Variants in LEMD3 observed in about 807,000 individuals in gnomAD.
LEMD3 encodes the protein inner nuclear membrane protein Man1.
Under a neutral mutation model 95.2 loss-of-function variants are expected in LEMD3, and 33 were observed. The observed-to-expected ratio is 0.35, with a 90% confidence interval of 0.26 to 0.46. The LOEUF is 0.46. Ranked by LOEUF, LEMD3 falls within the 20% of genes least tolerant of loss-of-function variation. The pLI, the probability that LEMD3 is intolerant of heterozygous loss-of-function variation, is 1.00. For synonymous variants in LEMD3, 525 were observed against 474.6 expected, an observed-to-expected ratio of 1.11 and a Z score of -1.38; for missense variants, 1,210 against 1,192.8, an observed-to-expected ratio of 1.01 and a Z score of -0.21.
chr12:65,174,354 A>G (rs1258720468), intron 1 of LEMD3, among the ~76,000 whole-genome samples: 2 of 152,206 alleles, frequency 1.3e-5, no homozygotes, highest in African/African-American at 2.4e-5. Flanking sequence ...TCAAGGATCA[A>G]CCTGCAATCA....
chr12:65,170,023 G>A lies in LEMD3; in HGVS notation c.427G>A (p.Glu143Lys). The change falls in exon 1 of 13, where the codon GAG becomes AAG. Residue 143 changes from glutamate (E) to lysine (K), a missense_variant. Glu to Lys is a moderately conservative substitution (Grantham distance 56). Coordinates refer to ENST00000308330, the MANE Select transcript of LEMD3 (RefSeq NM_014319.5). ...SKVLLGFSSDESDVEASPRDQ... is the reference protein window; with the variant it reads ...SKVLLGFSSDKSDVEASPRDQ... The stretch of plus-strand genomic sequence containing the variant: ...AGTGCTGCTGGGCTTCAGCTCGGAC[G>A]AGTCGGACGTGGAGGCCAGTCCCCG... 1 of 1,514,008 alleles carries A rather than the reference G, an allele frequency of 6.6e-7. No homozygotes were observed. The highest frequency in any genetic ancestry group is 8.8e-7 in the Non-Finnish European group (1 of 1,139,366). The allele number at this position is 1,514,008 out of a possible 1,614,324, so 93.8% of individuals were successfully genotyped here. A position where few individuals can be genotyped will look rare whatever the true frequency, so the allele number is the denominator to read the frequency against.
At chr12:65,246,137 A>T in intron 12 of LEMD3, 25 bp from the exon 13 acceptor site, 1 of 1,565,280 alleles carries the variant, frequency 6.4e-7, no homozygotes, top group Non-Finnish European at 8.8e-7. Context: ...TACTGATCTA[A>T]AATATTATTT....
chr12:65,187,101 A>G (rs1352203258), intron 1 of LEMD3, among the ~76,000 whole-genome samples: 1 of 152,112 alleles, frequency 6.6e-6, no homozygotes, highest in Non-Finnish European at 1.5e-5. Context: ...AAAAGCAGAT[A>G]AACTTAAAAT....
At chr12:65,220,092 A>C (rs1870238759) in intron 4 of LEMD3, among the ~76,000 whole-genome samples, 1 of 152,214 alleles carries the variant, frequency 6.6e-6, no homozygotes, top group Admixed American at 6.5e-5. Flanking sequence ...ATAATATGGT[A>C]GTTCAACTTT....
chr12:65,221,142 T>A (rs1355845690), intron 4 of LEMD3, among the ~76,000 whole-genome samples: 1 of 151,470 alleles, frequency 6.6e-6, no homozygotes. Context: ...GAACATGAGA[T>A]GTCTTTCTAT....
At chr12:65,246,014 TA>T in intron 12 of LEMD3, 75 bp downstream of exon 12, 1 of 1,341,730 alleles carries the variant, frequency 7.5e-7, no homozygotes. Flanking sequence ...AGATTTCAAA[TA>T]AAAGAATTTA....
chr12:65,232,931 G>C (rs1328218747), intron 4 of LEMD3, among the ~76,000 whole-genome samples: 4 of 152,156 alleles, frequency 2.6e-5, no homozygotes, highest in Admixed American at 2.6e-4. Context: ...AAATTATGGG[G>C]CTGGATAGAC....
At chr12:65,200,043 C>CGGG in intron 1 of LEMD3, among the ~76,000 whole-genome samples, 1 of 151,574 alleles carries the variant, frequency 6.6e-6, no homozygotes, top group Non-Finnish European at 1.5e-5. Context: ...GGTGCAACCC[C>CGGG]TGCACCCCCA....
At chr12:65,209,440 A>G (rs565501262) in intron 1 of LEMD3, among the ~76,000 whole-genome samples, 2 of 152,262 alleles carry the variant, frequency 1.3e-5, no homozygotes, top group African/African-American at 2.4e-5. Flanking sequence ...ATTTATTGTC[A>G]TTTGTTTGGC....
chr12:65,188,596 A>C (rs537762286), intron 1 of LEMD3, among the ~76,000 whole-genome samples: 43 of 152,298 alleles, frequency 2.8e-4, no homozygotes, highest in Non-Finnish European at 4.3e-4. Context: ...AGTTCTGTTC[A>C]CAGAGAAAAT....
intron 1 of LEMD3, among the ~76,000 whole-genome samples, chr12:65,195,501 C>T (rs1351525453): frequency 6.6e-6 from 1 of 151,902 alleles, no homozygotes; most frequent in Non-Finnish European, 1.5e-5. Flanking sequence ...TGCCAATTTC[C>T]AAATAGTTGT....
At chr12:65,174,215 TATTA>T (rs1191345143) in intron 1 of LEMD3, among the ~76,000 whole-genome samples, 1 of 152,208 alleles carries the variant, frequency 6.6e-6, no homozygotes, top group African/African-American at 2.4e-5. Context: ...CCTATTTTTT[TATTA>T]ATTAAATTGC....
chr12:65,220,538 GT>G (rs200010890), intron 4 of LEMD3, among the ~76,000 whole-genome samples: 44 of 150,936 alleles, frequency 2.9e-4, no homozygotes, highest in Middle Eastern at 6.9e-3. Flanking sequence ...TGTATTCACT[GT>G]TTTTTTTTAC....
chr12:65,201,531 A>G (rs1172105197), intron 1 of LEMD3, among the ~76,000 whole-genome samples: 2 of 152,062 alleles, frequency 1.3e-5, no homozygotes, highest in Non-Finnish European at 1.5e-5. Context: ...AGATTTACCT[A>G]TTTCATTTTG....
At chr12:65,224,545 A>G (rs188709246) in intron 4 of LEMD3, among the ~76,000 whole-genome samples, 101 of 151,084 alleles carry the variant, frequency 6.7e-4, no homozygotes, top group African/African-American at 2.1e-3. Context: ...CTTGGTTGGC[A>G]GTTGTTTTCT....
intron 10 of LEMD3, among the ~76,000 whole-genome samples, chr12:65,243,745 A>G (rs1044266405): frequency 6.6e-6 from 1 of 152,244 alleles, no homozygotes; most frequent in Non-Finnish European, 1.5e-5. Context: ...TTAATGACTC[A>G]CAATGACAAA....
At chr12:65,180,244 C>G (rs1022443478) in intron 1 of LEMD3, among the ~76,000 whole-genome samples, 1 of 151,904 alleles carries the variant, frequency 6.6e-6, no homozygotes, top group Admixed American at 6.6e-5. Flanking sequence ...CCGTGCCCTG[C>G]CCTAACATAG....
chr12:65,206,829 A>G (rs1339336174), intron 1 of LEMD3, among the ~76,000 whole-genome samples: 1 of 152,076 alleles, frequency 6.6e-6, no homozygotes, highest in African/African-American at 2.4e-5. Context: ...GTCATTTTTG[A>G]TGCATTATAT....
chr12:65,225,436 CTCTCTGGAT>C (rs2136345556), intron 4 of LEMD3, among the ~76,000 whole-genome samples: 1 of 152,222 alleles, frequency 6.6e-6, no homozygotes, highest in Non-Finnish European at 1.5e-5. Flanking sequence ...TGGTTGTGAC[CTCTCTGGAT>C]TTTTGCCTGT....
Sources: allele counts gnomAD v4.1 joint callset (sites outside exome capture counted in the v4.1 genomes callset), GRCh38; gene constraint gnomAD v4.1.1; transcripts MANE v1.5; gene names NCBI Gene and HGNC (gene_info 2026-07-23, HGNC 2026-07-21).